AGTPBP1: variants seen among roughly 807,000 people sequenced by gnomAD.
AGTPBP1 encodes the protein ATP/GTP binding carboxypeptidase 1.
A neutral mutation model predicts 143.9 loss-of-function variants in AGTPBP1; 70 were observed. The observed-to-expected ratio is 0.49, with a 90% CI of 0.40 to 0.59. The LOEUF is 0.59. AGTPBP1 is among the 20% of genes least tolerant of loss of function. The pLI is 0.00. For missense variants in AGTPBP1, 1,229 were observed against 1,464.5 expected, an observed-to-expected ratio of 0.84 and a Z score of 2.62; for synonymous variants, 463 against 500.2, an observed-to-expected ratio of 0.93 and a Z score of 0.99.
intron 25 of AGTPBP1, among the ~76,000 whole-genome samples, chr9:85,549,836 T>C (rs7847855): frequency 0.042 from 6,366 of 152,302 alleles, 459 homozygotes; most frequent in African/African-American, 0.14. Flanking sequence ...CTGTCAGTTC[T>C]TGATCTTGGC....
intron 2 of AGTPBP1, among the ~76,000 whole-genome samples, chr9:85,705,381 GCAGGCAGC>G (rs1169163289): frequency 6.6e-6 from 1 of 151,968 alleles, no homozygotes. Context: ...CAGAAAAAAA[GCAGGCAGC>G]CAGGTAGCCA....
the AGTPBP1 span, among the ~76,000 whole-genome samples, chr9:85,773,320 CTTTTTTTTTTT>C: frequency 7.3e-4 from 22 of 29,948 alleles, no homozygotes; most frequent in African/African-American, 2.3e-3. Context: ...CCAACAAATT[CTTTTTTTTTTT>C]TTTTTTTTTT....
chr9:85,605,599 T>C (rs1444565882), intron 17 of AGTPBP1, among the ~76,000 whole-genome samples: 1 of 152,034 alleles, frequency 6.6e-6, no homozygotes, highest in African/African-American at 2.4e-5. Context: ...ACACAGAATA[T>C]TATAATACTG....
At position 85,579,034 on chromosome 9, in the gene AGTPBP1, T is replaced by C. The variant is rs1473047363; in HGVS notation, c.3228A>G (p.Val1076=). 2 of 1,611,632 alleles carry C rather than the reference T, an allele frequency of 1.2e-6. No individual in the cohort carries two copies. The highest frequency in any genetic ancestry group is 1.7e-6 in the Non-Finnish European group (2 of 1,179,162). ...CTGTGGATTCTTTAGATTTTTCCAC[T>C]ACGAAGCTACAGCTGCTCATGCAAA... The part of the protein sequence containing the change: ...PAFCMSSCSF[V]VEKSKESTAR... Residue 1076 remains valine (V), a synonymous_variant, in exon 24 of 26, where the codon GTA becomes GTG. Coordinates refer to ENST00000357081, the MANE Select transcript of AGTPBP1 (RefSeq NM_001330701.2).
chr9:85,616,604 C>T (rs1184536761), intron 17 of AGTPBP1, among the ~76,000 whole-genome samples: 1 of 151,822 alleles, frequency 6.6e-6, no homozygotes, highest in Non-Finnish European at 1.5e-5. Flanking sequence ...TTATATTTTA[C>T]TCGTAAGGTG....
chr9:85,756,531 G>A, the AGTPBP1 span, among the ~76,000 whole-genome samples: 1 of 130,172 alleles, frequency 7.7e-6, no homozygotes, highest in East Asian at 1.9e-4. Flanking sequence ...ATGGATGGAT[G>A]GATGGATAGA....
chr9:85,748,102 CTT>C, the AGTPBP1 span, among the ~76,000 whole-genome samples: 1 of 152,162 alleles, frequency 6.6e-6, no homozygotes, highest in African/African-American at 2.4e-5. Context: ...CATTCATTCT[CTT>C]ATCCTCTCCA....
chr9:85,748,997 C>CT, the AGTPBP1 span, among the ~76,000 whole-genome samples: 14,700 of 95,326 alleles, frequency 0.15, 2,791 homozygotes, highest in East Asian at 0.71. Context: ...ATCTAGTGCA[C>CT]TTTTTTTTTT....
intron 12 of AGTPBP1, among the ~76,000 whole-genome samples, chr9:85,644,545 T>C (rs758834985): frequency 1.3e-5 from 2 of 151,618 alleles, no homozygotes; most frequent in African/African-American, 2.4e-5. Flanking sequence ...GAAGAAACAG[T>C]AGTGAAGGAC....
In AGTPBP1 at chr9:85,589,715, A is replaced by G. The variant is rs757699183; in HGVS notation, c.2569-34T>C. On this transcript the variant is annotated intron_variant, in intron 19 of 25. Coordinates refer to ENST00000357081, the MANE Select transcript of AGTPBP1 (RefSeq NM_001330701.2). ...AAATTTTAAAACAAAATATACAATC[A>G]CTTAAAAAGTCCCTATGATATACAG... 8.0e-5 allele frequency: 125 copies of G among 1,569,618 alleles called. No homozygotes were observed. The Middle Eastern group carries it at 8.5e-4, about 11-fold the overall frequency.
chr9:85,728,703 G>GA (rs1487390027), intron 1 of AGTPBP1, among the ~76,000 whole-genome samples: 1 of 150,688 alleles, frequency 6.6e-6, no homozygotes, highest in Non-Finnish European at 1.5e-5. Flanking sequence ...TACAAAAGAT[G>GA]AAAAAAATCA....
At chr9:85,701,900 C>T (rs1228794536) in intron 2 of AGTPBP1, among the ~76,000 whole-genome samples, 3 of 152,142 alleles carry the variant, frequency 2.0e-5, no homozygotes, top group Non-Finnish European at 4.4e-5. Flanking sequence ...TCTCAAATGC[C>T]TGTTTTTATC....
At chr9:85,626,871 C>T (rs898352479) in intron 14 of AGTPBP1, among the ~76,000 whole-genome samples, 1 of 152,160 alleles carries the variant, frequency 6.6e-6, no homozygotes, top group African/African-American at 2.4e-5. Context: ...GCCTTATTTT[C>T]CTCTCAATTG....
At chr9:85,603,521 G>A (rs1829800686) in intron 17 of AGTPBP1, among the ~76,000 whole-genome samples, 1 of 152,090 alleles carries the variant, frequency 6.6e-6, no homozygotes. Context: ...TACCCAGGCA[G>A]TTCTCACTGC....
chr9:85,708,011 A>C (rs996809574), intron 2 of AGTPBP1, among the ~76,000 whole-genome samples: 5 of 152,184 alleles, frequency 3.3e-5, no homozygotes, highest in African/African-American at 1.2e-4. Flanking sequence ...GTGTATACTT[A>C]TGTAACAAAA....
chr9:85,625,360 T>A (rs1188780927), intron 14 of AGTPBP1, among the ~76,000 whole-genome samples: 1 of 152,226 alleles, frequency 6.6e-6, no homozygotes, highest in Non-Finnish European at 1.5e-5. Context: ...TATGCTCAAT[T>A]AGATTTTAGC....
chr9:85,803,782 A>G, the AGTPBP1 span, among the ~76,000 whole-genome samples: 1 of 152,206 alleles, frequency 6.6e-6, no homozygotes, highest in African/African-American at 2.4e-5. Flanking sequence ...CTGTCTTGAC[A>G]ACCCTTTGAA....
Position 85,614,918 on chromosome 9 carries a change from C to T in AGTPBP1, c.2335+4065G>A, listed in dbSNP as rs140479738. 7.4e-3 allele frequency among the ~76,000 whole-genome samples: 1,131 copies of T among 152,218 alleles called. 18 individuals are homozygous for T. Among genetic ancestry groups the T allele is most frequent in the African/African-American group, 0.026 (1,065 of 41,544 alleles). On this transcript the variant is annotated intron_variant, in intron 17 of 25. Coordinates refer to ENST00000357081, the MANE Select transcript of AGTPBP1 (RefSeq NM_001330701.2). ...TCAGGTTCTAATCTGTTTTTACTAACCTGACCATTGTCTGTAACAGCCAAA... is the reference window on the plus strand; with the variant it reads ...TCAGGTTCTAATCTGTTTTTACTAATCTGACCATTGTCTGTAACAGCCAAA...
chr9:85,755,822 G>A, the AGTPBP1 span, among the ~76,000 whole-genome samples: 11 of 152,218 alleles, frequency 7.2e-5, no homozygotes, highest in South Asian at 2.1e-4. Context: ...CCCTTTCTTC[G>A]TCAGGCTAAA....
Sources: gnomAD v4.1 joint callset for allele counts (sites outside exome capture counted in the v4.1 genomes callset) on GRCh38, gnomAD v4.1.1 for gene constraint, MANE v1.5 for transcripts, NCBI Gene and HGNC (gene_info 2026-07-23, HGNC 2026-07-21) for gene names.